The following JAKMIP3 variants were observed in gnomAD, a reference collection of about 807,000 sequenced individuals.
JAKMIP3 encodes the protein janus kinase and microtubule-interacting protein 3.
A neutral mutation model predicts 118.5 loss-of-function variants in JAKMIP3; 58 were observed. That is an observed-to-expected ratio of 0.49 (90% CI 0.40 to 0.61). The LOEUF (loss-of-function observed/expected upper bound fraction) is 0.61. JAKMIP3 is among the 20% of genes least tolerant of loss of function. JAKMIP3 has a pLI of 0.00. For missense variants in JAKMIP3, 950 were observed against 1,109.0 expected (o/e 0.86, Z 2.04); for synonymous variants, 486 against 451.2 (o/e 1.08, Z -0.98).
At chr10:132,163,823 C>T (rs1210459294) in intron 20 of JAKMIP3, among the ~76,000 whole-genome samples, 3 of 152,220 alleles carry the variant, frequency 2.0e-5, no homozygotes, top group Non-Finnish European at 4.4e-5. Context: ...TGGGTACTGT[C>T]TTTTCCGTGA....
chr10:132,078,140 C>G (rs1269880101), intron 1 of JAKMIP3, among the ~76,000 whole-genome samples: 1 of 152,150 alleles, frequency 6.6e-6, no homozygotes, highest in African/African-American at 2.4e-5. Context: ...ACTTTTGTTA[C>G]CTTGTTTGTA....
intron 1 of JAKMIP3, among the ~76,000 whole-genome samples, chr10:132,050,857 G>C (rs1295832061): frequency 6.6e-6 from 1 of 152,192 alleles, no homozygotes; most frequent in African/African-American, 2.4e-5. Context: ...GGTTGGTCTT[G>C]TTAATTCCAG....
In JAKMIP3 at chr10:132,048,357, A is replaced by G. The variant is rs370792841; in HGVS notation, c.-138+11619A>G. Among the ~76,000 whole-genome samples, 4 of 152,212 alleles carry G rather than the reference A, an allele frequency of 2.6e-5. No individual in the cohort carries two copies. The East Asian group carries it at 5.8e-4, about 22-fold the overall frequency. ...TGGCACCGGGTGCTCTCGGGCTCCC[A>G]GGCACTGGCCTGTCGTGCTTTTCCA... On this transcript the variant is annotated intron_variant, in intron 1 of 23. Transcript: ENST00000657785.
chr10:132,119,254 C>T (rs138330379), intron 3 of JAKMIP3, among the ~76,000 whole-genome samples: 2 of 152,090 alleles, frequency 1.3e-5, no homozygotes, highest in East Asian at 1.9e-4. Context: ...CAGGTGTGTT[C>T]CCCGTTCTGT....
chr10:132,111,527 C>T (rs1033612160), intron 2 of JAKMIP3, among the ~76,000 whole-genome samples: 1 of 152,010 alleles, frequency 6.6e-6, no homozygotes, highest in East Asian at 1.9e-4. Context: ...CCATGGGCCC[C>T]GGGGGCCATG....
intron 23 of JAKMIP3, among the ~76,000 whole-genome samples, chr10:132,174,226 A>C (rs1355028523): frequency 1.3e-5 from 2 of 152,118 alleles, no homozygotes; most frequent in Non-Finnish European, 2.9e-5. Context: ...CTGCCTGTGC[A>C]GTGGCCCCTT....
chr10:132,114,411 G>T (rs1216174098), intron 2 of JAKMIP3, among the ~76,000 whole-genome samples: 1 of 152,052 alleles, frequency 6.6e-6, no homozygotes, highest in Non-Finnish European at 1.5e-5. Context: ...TTTTTGTACA[G>T]ATGGGGTCTC....
intron 1 of JAKMIP3, among the ~76,000 whole-genome samples, chr10:132,040,598 T>C (rs2037710432): frequency 6.6e-6 from 1 of 152,086 alleles, no homozygotes; most frequent in Non-Finnish European, 1.5e-5. Flanking sequence ...TATTTTGGGT[T>C]GATTTTAATC....
chr10:132,092,559 C>T (rs12220611), intron 1 of JAKMIP3, among the ~76,000 whole-genome samples: 5 of 152,360 alleles, frequency 3.3e-5, no homozygotes, highest in East Asian at 3.8e-4. Flanking sequence ...TTGATCGAAT[C>T]GGCTACTGAA....
At chr10:132,048,868 C>T (rs1417081057) in intron 1 of JAKMIP3, among the ~76,000 whole-genome samples, 2 of 152,114 alleles carry the variant, frequency 1.3e-5, no homozygotes, top group South Asian at 2.1e-4. Context: ...TCTCGATCTC[C>T]TGACCTCGTG....
rs187190698 is a variant in JAKMIP3, at chr10:132,079,133, G to C, written c.-138+13072G>C. ...GGCTTACAGTGGCCCCCGCAACGTG[G>C]GCACCTGGCCTGGGAGCGGACGGCC... On this transcript the variant is annotated intron_variant, in intron 1 of 23. Transcript: ENST00000684848. 6.9e-3 allele frequency among the ~76,000 whole-genome samples: 680 copies of C among 98,388 alleles called. 3 individuals carry two copies. The highest frequency in any genetic ancestry group is 0.028 in the South Asian group (68 of 2,400). 64.5% of individuals were successfully genotyped at this position (98,388 alleles called of 152,430 possible).
chr10:132,053,761 G>A (rs760164142), intron 1 of JAKMIP3, among the ~76,000 whole-genome samples: 2 of 151,692 alleles, frequency 1.3e-5, no homozygotes, highest in African/African-American at 4.8e-5. Context: ...CACTGCAGGT[G>A]TGGTGGCTCA....
rs561612289 is a variant in JAKMIP3 at position 132,172,952 on chromosome 10, T to TCTCTCTCTCCTTCC, written c.*1103+3943_*1103+3956dup. Among the ~76,000 whole-genome samples the TCTCTCTCTCCTTCC allele has an allele frequency of 7.8e-5, 11 of 140,968 alleles. 1 individual carries two copies. The highest frequency in any genetic ancestry group is 4.2e-4 in the East Asian group (2 of 4,792). 92.5% of individuals were successfully genotyped at this position (140,968 alleles called of 152,430 possible). A position where few individuals can be genotyped will look rare whatever the true frequency, so the allele number is the denominator to read the frequency against. ...TTCCCGCCTTCCCTCTCTACTTCCT[T>TCTCTCTCTCCTTCC]CTCTCTCTCCTTCCCTCTCTCTCCT... On this transcript the variant is annotated intron_variant, in intron 23 of 23. Transcript: ENST00000684848.
At chr10:132,143,915 C>G (rs542710097) in intron 11 of JAKMIP3, 4 of 152,282 alleles carry the variant, frequency 2.6e-5, no homozygotes, top group African/African-American at 9.7e-5. Context: ...CCCAAGGGCT[C>G]ACATCCACGA....
intron 3 of JAKMIP3, among the ~76,000 whole-genome samples, chr10:132,119,545 C>CT (rs1331900719): frequency 3.9e-5 from 6 of 152,178 alleles, no homozygotes; most frequent in African/African-American, 1.4e-4. Flanking sequence ...CAAGAGTGGA[C>CT]TTTCTGGTGT....
rs948589862 is a variant in JAKMIP3, at chr10:132,182,867, A to G, written c.*1614A>G. The G allele has an allele frequency of 2.6e-5, 4 of 152,208 alleles. No individual in the cohort carries two copies. Among genetic ancestry groups the G allele is most frequent in the African/African-American group, 9.7e-5 (4 of 41,448 alleles). The allele number at this position is 152,208 out of a possible 1,614,324, so 9.4% of individuals were successfully genotyped here. ...ATCAGGGAAAAGCTAATAGTATCAG[A>G]CAGATATGCTTTTTCTTTGGTGGCT... is the stretch of plus-strand genomic sequence containing the variant. On this transcript the variant is annotated 3_prime_UTR_variant, in exon 24 of 24. Transcript: ENST00000684848.
chr10:132,077,003 A>G (rs115829478), intron 1 of JAKMIP3, among the ~76,000 whole-genome samples: 1 of 151,880 alleles, frequency 6.6e-6, no homozygotes, highest in Non-Finnish European at 1.5e-5. Flanking sequence ...CCTGGGTCTT[A>G]CCGCGTGAGG....
intron 16 of JAKMIP3, 95 bp downstream of exon 16, chr10:132,150,136 C>A: frequency 2.0e-6 from 2 of 1,003,156 alleles, no homozygotes; most frequent in Non-Finnish European, 3.0e-6. Flanking sequence ...CCTCCCACAG[C>A]CCTGCCATGG....
At chr10:132,125,449 G>T (rs537188431) in intron 3 of JAKMIP3, among the ~76,000 whole-genome samples, 1 of 152,270 alleles carries the variant, frequency 6.6e-6, no homozygotes, top group African/African-American at 2.4e-5. Context: ...TGCGGCGTTA[G>T]TACCACGTCT....
Sources: gnomAD v4.1 joint callset for allele counts (sites outside exome capture counted in the v4.1 genomes callset) on GRCh38, gnomAD v4.1.1 for gene constraint, MANE v1.5 for transcripts, NCBI Gene and HGNC (gene_info 2026-07-23, HGNC 2026-07-21) for gene names.